Variants in KLHL1 observed in about 807,000 individuals in gnomAD.
The protein encoded by KLHL1 is kelch-like protein 1.
Under a neutral mutation model 77.7 loss-of-function variants are expected in KLHL1, and 47 were observed. That is an observed-to-expected ratio of 0.60 (90% CI 0.48 to 0.77). The LOEUF (loss-of-function observed/expected upper bound fraction) is 0.77, where lower values mean the gene tolerates loss of function less well. Among genes scored for constraint, KLHL1 ranks in the 30% least tolerant of loss-of-function variants. KLHL1 has a pLI of 0.00. For missense variants in KLHL1, 925 were observed against 910.8 expected, an observed-to-expected ratio of 1.02 and a Z score of -0.20; for synonymous variants, 360 against 325.2, an observed-to-expected ratio of 1.11 and a Z score of -1.15.
intron 7 of KLHL1, among the ~76,000 whole-genome samples, chr13:69,778,555 G>A (rs1875952371): frequency 6.6e-6 from 1 of 152,024 alleles, no homozygotes; most frequent in African/African-American, 2.4e-5. Context: ...GATTGTACAA[G>A]AGATATCTAT....
In KLHL1 at chr13:69,964,559, T is replaced by C. The variant is rs866586462; in HGVS notation, c.681-3115A>G. Among the ~76,000 whole-genome samples the C allele has an allele frequency of 3.9e-5, 6 of 152,256 alleles. No individual in the cohort carries two copies. In the East Asian group the frequency reaches 1.2e-3, roughly 29 times the overall value. On this transcript the variant is annotated intron_variant, in intron 2 of 10. Transcript: ENST00000377844. Reference sequence around the variant, plus strand: ...TCAAATTTTGAAAATTATCTGCAAATAATTACTCATATTTTCACCAAATTA... The same window carrying C: ...TCAAATTTTGAAAATTATCTGCAAACAATTACTCATATTTTCACCAAATTA...
At chr13:70,092,166 C>T (rs536750936) in intron 1 of KLHL1, among the ~76,000 whole-genome samples, 2 of 152,270 alleles carry the variant, frequency 1.3e-5, no homozygotes, top group East Asian at 3.9e-4. Flanking sequence ...GAGCAGAGGA[C>T]ACAACTCCTT....
intron 1 of KLHL1, among the ~76,000 whole-genome samples, chr13:70,027,665 T>TTTTTTTA (rs57773730): frequency 2.0e-5 from 3 of 151,052 alleles, no homozygotes; most frequent in Non-Finnish European, 4.4e-5. Flanking sequence ...TTTTTTTTTT[T>TTTTTTTA]ATGAACTGAA....
At chr13:69,711,014 A>G (rs552573526) in intron 9 of KLHL1, among the ~76,000 whole-genome samples, 1 of 152,108 alleles carries the variant, frequency 6.6e-6, no homozygotes, top group Non-Finnish European at 1.5e-5. Context: ...TGTTAAAGGC[A>G]TACGATAGTC....
chr13:69,986,434 C>G (rs976811931), intron 1 of KLHL1, among the ~76,000 whole-genome samples: 1 of 151,960 alleles, frequency 6.6e-6, no homozygotes, highest in African/African-American at 2.4e-5. Flanking sequence ...AAATATCACA[C>G]TGTACTCCAG....
intron 6 of KLHL1, among the ~76,000 whole-genome samples, chr13:69,831,749 G>T (rs116032241): frequency 0.028 from 4,143 of 149,950 alleles, 502 homozygotes; most frequent in African/African-American, 0.097. Context: ...GATAGTCCAC[G>T]ATGATCAAGT....
intron 7 of KLHL1, among the ~76,000 whole-genome samples, chr13:69,770,443 A>C (rs2137981251): frequency 6.6e-6 from 1 of 152,336 alleles, no homozygotes; most frequent in South Asian, 2.1e-4. Context: ...ATTGTTAAGG[A>C]GTTTATAGTT....
chr13:69,961,730 G>A (rs1884070252), intron 2 of KLHL1, among the ~76,000 whole-genome samples: 1 of 151,860 alleles, frequency 6.6e-6, no homozygotes. Context: ...TTTTCTTTAT[G>A]TAATGACCCA....
intron 5 of KLHL1, among the ~76,000 whole-genome samples, chr13:69,878,525 T>C (rs2138189100): frequency 6.6e-6 from 1 of 152,216 alleles, no homozygotes; most frequent in South Asian, 2.1e-4. Context: ...TGAGAAAATA[T>C]AGACTCTTGC....
rs531856309 is a variant in KLHL1 at position 69,870,373 on chromosome 13, C to A, written c.1227+11910G>T. Among the ~76,000 whole-genome samples the A allele has an allele frequency of 3.9e-5, 6 of 152,216 alleles. No individual in the cohort carries two copies. The South Asian group carries it at 8.3e-4, about 21-fold the overall frequency. On this transcript the variant is annotated intron_variant, in intron 5 of 10. Transcript: ENST00000377844. ...CAGCACCCAGACATTCATGAGGGAT[C>A]TACCCCACGACCCAAACACTTCCCA...
At chr13:69,744,761 TTAAAG>T (rs1874136947) in intron 7 of KLHL1, among the ~76,000 whole-genome samples, 1 of 151,938 alleles carries the variant, frequency 6.6e-6, no homozygotes, top group Admixed American at 6.6e-5. Context: ...AAAAAATTAT[TTAAAG>T]TTGTTATCTG....
chr13:70,005,407 T>G (rs936822854), intron 1 of KLHL1, among the ~76,000 whole-genome samples: 1 of 152,034 alleles, frequency 6.6e-6, no homozygotes, highest in Non-Finnish European at 1.5e-5. Context: ...CAGCCCAAGA[T>G]AGCTTAGAAC....
intron 5 of KLHL1, among the ~76,000 whole-genome samples, chr13:69,855,398 A>AGACAGAGATACAGATAGG (rs1157254846): frequency 6.6e-6 from 1 of 152,040 alleles, no homozygotes; most frequent in African/African-American, 2.4e-5. Flanking sequence ...AGATAGAGAT[A>AGACAGAGATACAGATAGG]GATAGAGATA....
rs548339961 is a variant in KLHL1 at position 69,983,609 on chromosome 13, A to G, written c.498-7807T>C. 2.4e-3 allele frequency among the ~76,000 whole-genome samples: 350 copies of G among 148,936 alleles called. 3 individuals are homozygous for G. Among genetic ancestry groups the G allele is most frequent in the Non-Finnish European group, 4.2e-3 (283 of 67,482 alleles). On this transcript the variant is annotated intron_variant, in intron 1 of 10. Transcript: ENST00000377844. The stretch of plus-strand genomic sequence containing the variant: ...AAAAAAAAGAAGAAGAAGAAGAGAA[A>G]AAAAAAAAAAAGCTGTGTTTGATGG...
Position 69,783,149 on chromosome 13 carries a change from G to A in KLHL1, c.1639+13589C>T, listed in dbSNP as rs565829197. ...TAGAAGGAAAACTAACAAACAGAAAGGACATCCACAACAAAAACCCTTCTG... is the reference window on the plus strand; with the variant it reads ...TAGAAGGAAAACTAACAAACAGAAAAGACATCCACAACAAAAACCCTTCTG... On this transcript the variant is annotated intron_variant, in intron 7 of 10. Coordinates refer to ENST00000377844, the MANE Select transcript of KLHL1 (RefSeq NM_020866.3). 8.0e-4 allele frequency among the ~76,000 whole-genome samples: 121 copies of A among 152,168 alleles called. 1 individual carries two copies. Among genetic ancestry groups the A allele is most frequent in the African/African-American group, 2.9e-3 (119 of 41,474 alleles).
At chr13:69,855,992 T>C (rs1166731698) in intron 5 of KLHL1, among the ~76,000 whole-genome samples, 1 of 147,934 alleles carries the variant, frequency 6.8e-6, no homozygotes, top group African/African-American at 2.5e-5. Context: ...TTATATATTA[T>C]ATATATAATT....
At chr13:69,819,173 T>G (rs1057514381) in intron 6 of KLHL1, among the ~76,000 whole-genome samples, 9 of 152,222 alleles carry the variant, frequency 5.9e-5, no homozygotes, top group Non-Finnish European at 1.2e-4. Flanking sequence ...TTTTCCATTT[T>G]TGCCTTGCAA....
chr13:69,961,270 TAA>T, intron 3 of KLHL1, 36 bp downstream of exon 3: 5 of 1,576,656 alleles, frequency 3.2e-6, no homozygotes, highest in Non-Finnish European at 3.5e-6. Context: ...CTAAAATTTA[TAA>T]GACATCAGAA....
chr13:69,770,173 T>C (rs1420491127), intron 7 of KLHL1, among the ~76,000 whole-genome samples: 1 of 152,158 alleles, frequency 6.6e-6, no homozygotes, highest in Non-Finnish European at 1.5e-5. Context: ...CACCACTGCA[T>C]TCCCCTCAGC....
Sources: allele counts gnomAD v4.1 joint callset (sites outside exome capture counted in the v4.1 genomes callset), GRCh38; gene constraint gnomAD v4.1.1; transcripts MANE v1.5; gene names NCBI Gene and HGNC (gene_info 2026-07-23, HGNC 2026-07-21).